ATM: variants seen among roughly 807,000 people sequenced by gnomAD.
ATM encodes ATM serine/threonine kinase, also known as serine-protein kinase ATM.
A neutral mutation model predicts 387.0 loss-of-function variants in ATM; 308 were observed. The observed-to-expected ratio is 0.80, with a 90% CI of 0.73 to 0.87. ATM has a LOEUF of 0.87. Among genes scored for constraint, ATM ranks in the 40% least tolerant of loss-of-function variants. ATM has a pLI of 0.00. For missense variants in ATM, 3,312 were observed against 3,560.9 expected, an observed-to-expected ratio of 0.93 and a Z score of 1.78; for synonymous variants, 1,156 against 1,187.3, an observed-to-expected ratio of 0.97 and a Z score of 0.54.
intron 38 of ATM, chr11:108,308,877 C>A: frequency 1.4e-6 from 1 of 701,410 alleles, no homozygotes; most frequent in Non-Finnish European, 2.4e-6. Context: ...AGATTATCTT[C>A]TGAGGAGGCC....
chr11:108,313,516 A>G (rs1315367073), intron 40 of ATM, among the ~76,000 whole-genome samples: 1 of 152,016 alleles, frequency 6.6e-6, no homozygotes, highest in Non-Finnish European at 1.5e-5. Context: ...CTTTTCCTTA[A>G]TGTTTTATTA....
chr11:108,315,723 G>T, intron 40 of ATM, 100 bp from the exon 41 acceptor site: 2 of 808,148 alleles, frequency 2.5e-6, no homozygotes, highest in Non-Finnish European at 4.2e-6. Flanking sequence ...AACATTTAGA[G>T]TTGGGAGTTA....
intron 16 of ATM, among the ~76,000 whole-genome samples, chr11:108,261,868 G>A (rs1333393909): frequency 6.6e-6 from 1 of 152,136 alleles, no homozygotes; most frequent in Non-Finnish European, 1.5e-5. Context: ...CGATCAACTG[G>A]AAGAAAGGGT....
At chr11:108,260,612 A>G (rs150791840) in intron 16 of ATM, among the ~76,000 whole-genome samples, 5 of 152,176 alleles carry the variant, frequency 3.3e-5, no homozygotes, top group Non-Finnish European at 7.3e-5. Context: ...ACTTCTTAAT[A>G]TAAGAAATAA....
intron 32 of ATM, among the ~76,000 whole-genome samples, chr11:108,296,799 G>A (rs149365787): frequency 6.6e-6 from 1 of 152,296 alleles, no homozygotes; most frequent in African/African-American, 2.4e-5. Context: ...TTGAAGTTCA[G>A]TTTTTTCATT....
rs1382256509 is a variant in ATM, at chr11:108,229,242, G to T, written c.250G>T (p.Ala84Ser). The change falls in exon 4 of 63, where the codon GCC becomes TCC. Residue 84 changes from alanine to serine, a missense_variant. This residue lies in a region of ATM where 1,791 missense variants were observed against 1,804.5 expected (regional missense o/e 0.99). Transcript: ENST00000675843. ...GAGAATAGCAAAACCAAATGTATCA[G>T]CCTCAACACAAGCCTCCAGGCAGAA... ...CLRIAKPNVS[A>S]STQASRQKKM... is the part of the protein sequence containing the mutation. 1.9e-6 allele frequency: 3 copies of T among 1,613,608 alleles called. No homozygotes were observed. In the East Asian group the frequency reaches 6.7e-5, roughly 36 times the overall value.
At chr11:108,238,417 G>T (rs923300548) in intron 5 of ATM, among the ~76,000 whole-genome samples, 2 of 152,090 alleles carry the variant, frequency 1.3e-5, no homozygotes, top group African/African-American at 4.8e-5. Flanking sequence ...CTCCCAAAGT[G>T]TTGGGATTAT....
chr11:108,331,707 T>C, intron 51 of ATM, 150 bp downstream of exon 51: 1 of 1,318,076 alleles, frequency 7.6e-7, no homozygotes, highest in Non-Finnish European at 1.0e-6. Context: ...TTACTCATTT[T>C]CTCTCTCTAA....
chr11:108,335,523 T>C (rs1288702875), intron 55 of ATM, among the ~76,000 whole-genome samples: 7 of 152,232 alleles, frequency 4.6e-5, no homozygotes, highest in Admixed American at 4.6e-4. Context: ...TACCATTTGC[T>C]GACGAGCTCT....
intron 4 of ATM, chr11:108,230,714 T>G (rs1357820868): frequency 6.6e-6 from 1 of 152,226 alleles, no homozygotes; most frequent in Non-Finnish European, 1.5e-5. Flanking sequence ...CTCATTTTTT[T>G]TAATACAGGC....
chr11:108,354,977 T>A, intron 61 of ATM, 103 bp downstream of exon 61: 7 of 979,558 alleles, frequency 7.1e-6, no homozygotes, highest in Non-Finnish European at 1.1e-5. Context: ...CATTTTAACA[T>A]AGGGGGATGT....
In ATM at chr11:108,321,334, C is replaced by G. The variant is rs138166710; in HGVS notation, c.6486C>G (p.Ser2162Arg). Residue 2162 changes from serine to arginine, a missense_variant, in exon 45 of 63, where the codon AGC becomes AGG. This residue lies in a region of ATM where 1,405 missense variants were observed against 1,604.4 expected (regional missense o/e 0.88). Transcript: ENST00000675843. ...AAGTGGAAGAGATGTGTAAGCGCAG[C>G]CTTGAGTCTGTGTATTCGCTCTATC... ...VKEVEEMCKR[S>R]LESVYSLYPT... The G allele has an allele frequency of 6.2e-7, 1 of 1,614,140 alleles. No individual in the cohort carries two copies. Among genetic ancestry groups the G allele is most frequent in the Non-Finnish European group, 8.5e-7 (1 of 1,180,002 alleles).
chr11:108,247,995 T>C, intron 8 of ATM, among the ~76,000 whole-genome samples: 1 of 152,198 alleles, frequency 6.6e-6, no homozygotes. Context: ...CTAATCAATC[T>C]TGGTTTTTGT....
chr11:108,300,840 G>A (rs1327546657), intron 34 of ATM, among the ~76,000 whole-genome samples: 10 of 147,752 alleles, frequency 6.8e-5, no homozygotes, highest in Admixed American at 4.7e-4. Flanking sequence ...CTAGCCATCC[G>A]TCTATCCTTG....
intron 43 of ATM, among the ~76,000 whole-genome samples, chr11:108,318,337 G>A (rs955086521): frequency 1.6e-4 from 24 of 151,556 alleles, no homozygotes; most frequent in Non-Finnish European, 1.0e-4. Context: ...ACTCCAGCCT[G>A]GACAACAGAG....
chr11:108,343,405 G>C (rs764846903), intron 57 of ATM, 34 bp downstream of exon 57: 20 of 1,611,668 alleles, frequency 1.2e-5, no homozygotes, highest in Non-Finnish European at 1.7e-5. Flanking sequence ...GTTATTGTAA[G>C]ATTATTTAAT....
intron 34 of ATM, among the ~76,000 whole-genome samples, chr11:108,301,032 G>GT (rs1352968487): frequency 6.6e-6 from 1 of 151,910 alleles, no homozygotes; most frequent in African/African-American, 2.4e-5. Context: ...AATGTGCAAA[G>GT]TTTATGTGCT....
intron 32 of ATM, chr11:108,296,065 A>G (rs1255776533): frequency 6.6e-6 from 1 of 152,200 alleles, no homozygotes; most frequent in Non-Finnish European, 1.5e-5. Context: ...TACCTGAATG[A>G]AAGAAATATG....
At chr11:108,347,781 G>A (rs1294126943) in intron 59 of ATM, among the ~76,000 whole-genome samples, 1 of 152,090 alleles carries the variant, frequency 6.6e-6, no homozygotes, top group Non-Finnish European at 1.5e-5. Flanking sequence ...GTACTAGACT[G>A]TAAAAAGCCA....
Sources: gnomAD v4.1 joint callset for allele counts (sites outside exome capture counted in the v4.1 genomes callset) on GRCh38, gnomAD v4.1.1 for gene constraint, gnomAD v4.1.1 regional missense constraint, MANE v1.5 for transcripts, NCBI Gene and HGNC (gene_info 2026-07-23, HGNC 2026-07-21) for gene names.